POLI: variants seen among roughly 807,000 people sequenced by gnomAD.
POLI encodes the protein RAD30 homolog B.
Under a neutral mutation model 51.6 loss-of-function variants are expected in POLI, and 58 were observed. That is an observed-to-expected ratio of 1.12 (90% CI 0.91 to 1.40). The LOEUF (loss-of-function observed/expected upper bound fraction) is 1.40. POLI is among the 40% of genes most tolerant of loss of function. The pLI, the probability that POLI is intolerant of heterozygous loss-of-function variation, is 0.00. For synonymous variants in POLI, 322 were observed against 299.7 expected (o/e 1.07, Z -0.77); for missense variants, 921 against 871.3 (o/e 1.06, Z -0.72).
intron 8 of POLI, among the ~76,000 whole-genome samples, chr18:54,289,346 G>T (rs530664435): frequency 2.6e-5 from 4 of 152,000 alleles, no homozygotes; most frequent in African/African-American, 9.6e-5. Context: ...TCTGCCAGTG[G>T]ATAAGTGTAT....
At position 54,294,092 on chromosome 18, in the gene POLI, T is replaced by C; in HGVS notation, c.1848T>C (p.Ser616=). The change falls in exon 10 of 10, where the codon TCT becomes TCC. Residue 616 remains serine (S), a synonymous_variant. Coordinates refer to ENST00000579534, the MANE Select transcript of POLI (RefSeq NM_007195.3). ...GFNSSSSSYM[S]SQKDYSYYLD... is the part of the protein sequence containing the mutation. ...ATAGCAGTAGTTCTTCTTACATGTC[T>C]AGCCAAAAGGATTATTCATATTATT... is the stretch of plus-strand genomic sequence containing the variant. 1 of 1,609,428 alleles carries C rather than the reference T, an allele frequency of 6.2e-7. No homozygotes were observed. The highest frequency in any genetic ancestry group is 8.5e-7 in the Non-Finnish European group (1 of 1,175,872).
downstream of POLI, among the ~76,000 whole-genome samples, chr18:54,299,670 C>T (rs192725221): frequency 5.3e-5 from 8 of 151,982 alleles, no homozygotes; most frequent in African/African-American, 1.7e-4. Flanking sequence ...TATTCAAGTC[C>T]CCAAAGAAGA....
At chr18:54,306,092 C>T (rs184756192) in intron 3 of POLI, among the ~76,000 whole-genome samples, 7 of 152,254 alleles carry the variant, frequency 4.6e-5, no homozygotes, top group Non-Finnish European at 8.8e-5. Context: ...ATTGCCCTGG[C>T]CAGAACTTCC....
chr18:54,276,788 A>G (rs1428555564), intron 3 of POLI, among the ~76,000 whole-genome samples: 1 of 152,204 alleles, frequency 6.6e-6, no homozygotes, highest in African/African-American at 2.4e-5. Flanking sequence ...CATCAACAAA[A>G]CAAAAAAGCA....
rs144639634 is a variant in POLI at position 54,297,609 on chromosome 18, TCTC to T, written c.*3148_*3150del. The T allele has an allele frequency of 0.06, 58,966 of 977,908 alleles. 1,933 individuals are homozygous for T. The highest frequency in any genetic ancestry group is 0.082 in the African/African-American group (4,671 of 57,166). 60.6% of individuals were successfully genotyped at this position (977,908 alleles called of 1,614,324 possible). A position where few individuals can be genotyped will look rare whatever the true frequency, so the allele number is the denominator to read the frequency against. On this transcript the variant is annotated 3_prime_UTR_variant, in exon 10 of 10. Coordinates refer to ENST00000579534, the MANE Select transcript of POLI (RefSeq NM_007195.3). Reference sequence around the variant, plus strand: ...GTTGTGCTTCTTTCCCACCTTTATCTCTCCTCCTATCTTTTGGGATCAGTTGGG... The same window carrying T: ...GTTGTGCTTCTTTCCCACCTTTATCTCTCCTATCTTTTGGGATCAGTTGGG...
intron 3 of POLI, among the ~76,000 whole-genome samples, chr18:54,304,385 A>G (rs1394311669): frequency 1.3e-5 from 2 of 152,206 alleles, no homozygotes; most frequent in African/African-American, 4.8e-5. Flanking sequence ...CAACAGTGTA[A>G]AAGCGTTCCT....
chr18:54,286,483 G>A (rs1017696438), intron 7 of POLI, among the ~76,000 whole-genome samples: 2 of 151,648 alleles, frequency 1.3e-5, no homozygotes, highest in Non-Finnish European at 2.9e-5. Context: ...TCATATAATG[G>A]TAATAGTGAT....
chr18:54,273,972 G>A lies in POLI; in HGVS notation c.288G>A (p.Arg96=), dbSNP rs1343200189. The change falls in exon 3 of 10, where the codon AGG becomes AGA. Residue 96 remains arginine, a synonymous_variant. Transcript: ENST00000579534. ...TGGTTACCTGCAACTATGAAGCTAG[G>A]AAACTTGGAGTTAAGAAACTTATGA... The part of the protein sequence containing the change: ...YLVVTCNYEA[R]KLGVKKLMNV... 6.3e-7 allele frequency: 1 copy of A among 1,580,470 alleles called. No individual in the cohort carries two copies. Among genetic ancestry groups the A allele is most frequent in the East Asian group, 2.3e-5 (1 of 43,358 alleles).
At position 54,291,838 on chromosome 18, in the gene POLI, T is replaced by C; in HGVS notation, c.1204T>C (p.Tyr402His). 6.8e-7 allele frequency: 1 copy of C among 1,477,166 alleles called. No homozygotes were observed. The highest frequency in any genetic ancestry group is 9.4e-7 in the Non-Finnish European group (1 of 1,060,900). 91.5% of individuals were successfully genotyped at this position (1,477,166 alleles called of 1,614,324 possible). A position where few individuals can be genotyped will look rare whatever the true frequency, so the allele number is the denominator to read the frequency against. ...TTCTTAAACATTTTATTTAGGAAAT[T>C]ATGATGTGATGACCCCAATGGTTGA... is the stretch of plus-strand genomic sequence containing the variant. The part of the protein sequence containing the change: ...HVIQKLGTGN[Y>H]DVMTPMVDIL... The change falls in exon 9 of 10, where the codon TAT becomes CAT. Residue 402 changes from tyrosine to histidine, a missense_variant. Tyr to His is a moderately conservative substitution (Grantham distance 83). Coordinates refer to ENST00000579534, the MANE Select transcript of POLI (RefSeq NM_007195.3).
intron 6 of POLI, chr18:54,283,602 G>A (rs1421616238): frequency 6.0e-6 from 1 of 166,618 alleles, no homozygotes; most frequent in Admixed American, 6.2e-5. Context: ...AGTCCTAGGT[G>A]ATTAAGAACT....
At chr18:54,289,462 A>C (rs1433449095) in intron 8 of POLI, among the ~76,000 whole-genome samples, 3 of 152,114 alleles carry the variant, frequency 2.0e-5, no homozygotes, top group Non-Finnish European at 4.4e-5. Flanking sequence ...TTCTTCACAG[A>C]ATTGGAAAAA....
rs1487099441 is a variant in POLI, at chr18:54,294,339, G to C, written c.2095G>C (p.Asp699His). Residue 699 changes from aspartate (D) to histidine (H), a missense_variant, in exon 10 of 10, where the codon GAT (aspartate) becomes CAT (histidine). Transcript: ENST00000579534. ...LTENREPDSV[D>H]EKITFPSDID... ...AGAAAATAGAGAGCCAGATTCTGTT[G>C]ATGAGAAAATTACTTTCCCTTCTGA... The C allele has an allele frequency of 6.2e-7, 1 of 1,613,456 alleles. No individual in the cohort carries two copies. The highest frequency in any genetic ancestry group is 1.3e-5 in the African/African-American group (1 of 74,894).
rs117966175 is a variant in POLI, at chr18:54,313,078, G to T, written c.334-7195G>T. ...TAGATTTTCTTCTAAGAATTTTGTA[G>T]TTTGATGGCTTACATTTAAGTCTAA... On this transcript the variant is annotated intron_variant, in intron 3 of 4. Transcript: ENST00000579823. Among the ~76,000 whole-genome samples, 176 of 152,230 alleles carry T rather than the reference G, an allele frequency of 1.2e-3. 2 individuals carry two copies. The highest frequency in any genetic ancestry group is 4.4e-3 in the East Asian group (23 of 5,184).
intron 3 of POLI, among the ~76,000 whole-genome samples, chr18:54,309,262 G>A (rs959527909): frequency 1.3e-5 from 2 of 152,154 alleles, no homozygotes; most frequent in Admixed American, 6.5e-5. Flanking sequence ...CTACAGATGG[G>A]GTTTTGGTGT....
intron 8 of POLI, among the ~76,000 whole-genome samples, chr18:54,288,581 T>G (rs911548170): frequency 6.6e-6 from 1 of 152,154 alleles, no homozygotes; most frequent in African/African-American, 2.4e-5. Flanking sequence ...ATGTTTATCC[T>G]TAACACTGAT....
rs145609004 is a variant in POLI, at chr18:54,286,415, TATTA to T, written c.1068-861_1068-858del. On this transcript the variant is annotated intron_variant, in intron 7 of 9. Coordinates refer to ENST00000579534, the MANE Select transcript of POLI (RefSeq NM_007195.3). ...AAAAAATGCATGTACTCATATTGTA[TATTA>T]ATTATATACTAAATATAGTATATGC... Among the ~76,000 whole-genome samples, 685 of 152,266 alleles carry T rather than the reference TATTA, an allele frequency of 4.5e-3. 2 individuals are homozygous for T. The highest frequency in any genetic ancestry group is 0.016 in the African/African-American group (660 of 41,550).
chr18:54,305,963 T>G (rs1599274595), intron 3 of POLI, among the ~76,000 whole-genome samples: 2 of 152,282 alleles, frequency 1.3e-5, no homozygotes, highest in South Asian at 4.1e-4. Flanking sequence ...TTTCACTGTG[T>G]TACTCAGGAT....
intron 6 of POLI, among the ~76,000 whole-genome samples, chr18:54,283,376 A>AT (rs951668270): frequency 1.3e-5 from 2 of 152,214 alleles, no homozygotes; most frequent in South Asian, 4.1e-4. Flanking sequence ...ACATTGACTG[A>AT]TTTTTTTGCT....
intron 1 of POLI, chr18:54,270,360 G>A (rs2086949226): frequency 6.6e-6 from 1 of 152,338 alleles, no homozygotes; most frequent in Non-Finnish European, 1.5e-5. Flanking sequence ...ATCAGGTGTA[G>A]CTGTGTTGTC....
Sources: allele counts gnomAD v4.1 joint callset (sites outside exome capture counted in the v4.1 genomes callset), GRCh38; gene constraint gnomAD v4.1.1; transcripts MANE v1.5; gene names NCBI Gene and HGNC (gene_info 2026-07-23, HGNC 2026-07-21).